Variants in PRDM1 observed in about 807,000 individuals in gnomAD.
The protein encoded by PRDM1 is PR/SET domain 1.
Under a neutral mutation model 62.8 loss-of-function variants are expected in PRDM1, and 13 were observed. That is an observed-to-expected ratio of 0.21 (90% CI 0.13 to 0.33). The LOEUF is 0.33. Among genes scored for constraint, PRDM1 ranks in the 10% least tolerant of loss-of-function variants. PRDM1 has a pLI of 1.00. For missense variants in PRDM1, 895 were observed against 1,058.8 expected (o/e 0.85, Z 2.15); for synonymous variants, 396 against 417.6 (o/e 0.95, Z 0.63).
At chr6:106,070,610 C>T (rs1203233037) in intron 1 of PRDM1, among the ~76,000 whole-genome samples, 3 of 152,068 alleles carry the variant, frequency 2.0e-5, no homozygotes, top group African/African-American at 7.2e-5. Flanking sequence ...CTCTAAGGCT[C>T]TTGGTATATA....
chr6:106,090,993 C>CTT (rs1323146363), intron 2 of PRDM1, among the ~76,000 whole-genome samples: 1 of 151,796 alleles, frequency 6.6e-6, no homozygotes, highest in East Asian at 1.9e-4. Flanking sequence ...ACTGTTCTTA[C>CTT]TTCCTATTTC....
intron 1 of PRDM1, among the ~76,000 whole-genome samples, chr6:106,074,602 A>G (rs753129467): frequency 2.2e-4 from 33 of 152,206 alleles, no homozygotes; most frequent in South Asian, 6.2e-4. Flanking sequence ...GAGGCTTGGT[A>G]AATACTGGCT....
At position 106,088,004 on chromosome 6, in the gene PRDM1, T is replaced by C; in HGVS notation, c.43-197T>C. 3 of 189,394 alleles carry C rather than the reference T, an allele frequency of 1.6e-5. No individual in the cohort carries two copies. In the East Asian group the frequency reaches 2.4e-4, roughly 15 times the overall value. 11.7% of individuals were successfully genotyped at this position (189,394 alleles called of 1,614,324 possible). On this transcript the variant is annotated intron_variant, in intron 1 of 6. Coordinates refer to ENST00000369096, the MANE Select transcript of PRDM1 (RefSeq NM_001198.4). Reference sequence around the variant, plus strand: ...TCTTTTTTTTTTTTTTTTTTTTAACTAAGAGTAGCATTTAAAAACCTTGCT... The same window carrying C: ...TCTTTTTTTTTTTTTTTTTTTTAACCAAGAGTAGCATTTAAAAACCTTGCT...
At chr6:106,063,596 A>G (rs1773381963) in intron 1 of PRDM1, among the ~76,000 whole-genome samples, 1 of 152,206 alleles carries the variant, frequency 6.6e-6, no homozygotes, top group South Asian at 2.1e-4. Context: ...ATAGGAAAGA[A>G]ATACATTATG....
rs1341800868 is a variant in PRDM1, at chr6:106,108,331, C to A, written c.*845C>A. The A allele has an allele frequency of 4.3e-5, 10 of 233,540 alleles. No homozygotes were observed. The highest frequency in any genetic ancestry group is 5.9e-5 in the Non-Finnish European group (7 of 118,004). 14.5% of individuals were successfully genotyped at this position (233,540 alleles called of 1,614,324 possible). ...AATCCTCCCACCGCCCTGCCCTCCC[C>A]ACCGAGTCCTGTGGCCATTCAGAGC... On this transcript the variant is annotated 3_prime_UTR_variant, in exon 7 of 7. Transcript: ENST00000369096.
chr6:106,006,796 T>G (rs1212719323), intron 1 of PRDM1, among the ~76,000 whole-genome samples: 1 of 151,798 alleles, frequency 6.6e-6, no homozygotes, highest in Non-Finnish European at 1.5e-5. Flanking sequence ...GCAGCCATGT[T>G]CCTCATGGCT....
intron 1 of PRDM1, among the ~76,000 whole-genome samples, chr6:106,006,010 C>A (rs1322467297): frequency 2.0e-5 from 3 of 152,194 alleles, no homozygotes; most frequent in Non-Finnish European, 2.9e-5. Context: ...CTAGATGAGG[C>A]ACTTCTAGCC....
At chr6:106,079,603 G>T (rs1056412596) in intron 1 of PRDM1, among the ~76,000 whole-genome samples, 31 of 152,204 alleles carry the variant, frequency 2.0e-4, no homozygotes, top group Admixed American at 1.8e-3. Flanking sequence ...TTCAAGACCA[G>T]CGTGGCCAAC....
chr6:106,097,102 G>A (rs1329281628), intron 3 of PRDM1, among the ~76,000 whole-genome samples: 2 of 152,168 alleles, frequency 1.3e-5, no homozygotes, highest in African/African-American at 2.4e-5. Context: ...TAAGAATCAT[G>A]TGCTCACAAT....
chr6:106,071,997 A>G (rs1270430864), intron 1 of PRDM1: 1 of 152,196 alleles, frequency 6.6e-6, no homozygotes, highest in Non-Finnish European at 1.5e-5. Flanking sequence ...ACATCAGGAT[A>G]TTTTAAAGTT....
In PRDM1 at chr6:105,999,328, G is replaced by A. The variant is rs192798965; in HGVS notation, c.-67+5689G>A. ...TTCCAGCACTTTGGGAGGCAAGGTGGGAGGATCACTTGAGGCCAGGAGTTT... is the reference window on the plus strand; with the variant it reads ...TTCCAGCACTTTGGGAGGCAAGGTGAGAGGATCACTTGAGGCCAGGAGTTT... On this transcript the variant is annotated intron_variant, in intron 1 of 6. Transcript: ENST00000652320. Among the ~76,000 whole-genome samples the A allele has an allele frequency of 5.2e-3, 786 of 152,080 alleles. 7 individuals carry two copies. Among genetic ancestry groups the A allele is most frequent in the African/African-American group, 0.019 (768 of 41,498 alleles).
At chr6:105,998,840 CTATAA>C (rs1056715394) in intron 1 of PRDM1, among the ~76,000 whole-genome samples, 6 of 149,784 alleles carry the variant, frequency 4.0e-5, no homozygotes, top group African/African-American at 1.5e-4. Flanking sequence ...TACTGGGTTA[CTATAA>C]TCAACCTGGC....
At chr6:106,084,891 C>G (rs748708154), upstream of PRDM1, among the ~76,000 whole-genome samples, 4 of 152,154 alleles carry the variant, frequency 2.6e-5, no homozygotes, top group Non-Finnish European at 4.4e-5. Flanking sequence ...CGAGTGTGTG[C>G]TAATCATGTC....
Position 106,107,591 on chromosome 6 carries a change from G to A in PRDM1, c.*105G>A, listed in dbSNP as rs536101952. The A allele has an allele frequency of 5.5e-4, 562 of 1,017,994 alleles. No homozygotes were observed. The highest frequency in any genetic ancestry group is 1.4e-3 in the Middle Eastern group (5 of 3,592). The allele number at this position is 1,017,994 out of a possible 1,614,324, so 63.1% of individuals were successfully genotyped here. A position where few individuals can be genotyped will look rare whatever the true frequency, so the allele number is the denominator to read the frequency against. On this transcript the variant is annotated 3_prime_UTR_variant, in exon 7 of 7. Coordinates refer to ENST00000369096, the MANE Select transcript of PRDM1 (RefSeq NM_001198.4). The stretch of plus-strand genomic sequence containing the variant: ...AATCCCAGCTCTGCAAAGCTCTCTC[G>A]ACAGCAAATGGTTTCCCCTCACCTC...
At chr6:106,040,648 G>T (rs1476929494) in intron 1 of PRDM1, among the ~76,000 whole-genome samples, 1 of 152,128 alleles carries the variant, frequency 6.6e-6, no homozygotes, top group Non-Finnish European at 1.5e-5. Context: ...TGATCAGAAG[G>T]TTGTCTATTT....
At chr6:106,103,985 T>C (rs17066584) in intron 4 of PRDM1, among the ~76,000 whole-genome samples, 2,082 of 152,302 alleles carry the variant, frequency 0.014, 49 homozygotes, top group African/African-American at 0.047. Context: ...CTAAGCTCCT[T>C]GGCATAGGCA....
chr6:106,027,597 G>A (rs1248308978), intron 1 of PRDM1, among the ~76,000 whole-genome samples: 1 of 151,882 alleles, frequency 6.6e-6, no homozygotes, highest in African/African-American at 2.4e-5. Context: ...GTAAAGTACA[G>A]ACTGCATGGA....
At chr6:106,098,745 A>G in intron 3 of PRDM1, 5 of 1,438,914 alleles carry the variant, frequency 3.5e-6, no homozygotes, top group Non-Finnish European at 4.6e-6. Context: ...TATTCATATG[A>G]ACAAGTGTTA....
intron 1 of PRDM1, among the ~76,000 whole-genome samples, chr6:106,042,538 AAC>A (rs1016457637): frequency 1.3e-4 from 20 of 151,064 alleles, no homozygotes; most frequent in African/African-American, 4.9e-4. Context: ...AAAAAAAAAA[AAC>A]AAACAAACAA....
Sources: gnomAD v4.1 joint callset for allele counts (sites outside exome capture counted in the v4.1 genomes callset) on GRCh38, gnomAD v4.1.1 for gene constraint, MANE v1.5 for transcripts, NCBI Gene and HGNC (gene_info 2026-07-23, HGNC 2026-07-21) for gene names.